The following SPATA16 variants were observed in gnomAD, a reference collection of about 807,000 sequenced individuals.
SPATA16 encodes spermatogenesis associated 16.
Under a neutral mutation model 63.3 loss-of-function variants are expected in SPATA16, and 36 were observed. The observed-to-expected ratio is 0.57, with a 90% CI of 0.44 to 0.75. The LOEUF (loss-of-function observed/expected upper bound fraction) is 0.75. SPATA16 is among the 30% of genes least tolerant of loss of function. The pLI is 0.00. For missense variants in SPATA16, 646 were observed against 679.3 expected (o/e 0.95, Z 0.54); for synonymous variants, 203 against 216.7 (o/e 0.94, Z 0.56).
intron 1 of SPATA16, among the ~76,000 whole-genome samples, chr3:173,138,771 G>T (rs143816240): frequency 1.1e-4 from 17 of 152,152 alleles, no homozygotes. Flanking sequence ...TTAAAGAGAC[G>T]CTTTCTAACA....
intron 4 of SPATA16, among the ~76,000 whole-genome samples, chr3:172,991,911 C>T (rs1577121792): frequency 6.6e-6 from 1 of 152,282 alleles, no homozygotes; most frequent in East Asian, 1.9e-4. Context: ...CAAGTGTTCA[C>T]TATATGTGTT....
Position 172,961,056 on chromosome 3 carries a change from T to TTTC in SPATA16, c.934-4235_934-4233dup, listed in dbSNP as rs1219170256. On this transcript the variant is annotated intron_variant, in intron 5 of 10. Coordinates refer to ENST00000351008, the MANE Select transcript of SPATA16 (RefSeq NM_031955.6). The stretch of plus-strand genomic sequence containing the variant: ...TCTTTCTTTCTTTCTTTCTTCTTTC[T>TTTC]TTCTTTCTTCTTTCTTCCTTCCTTC... Among the ~76,000 whole-genome samples the TTTC allele has an allele frequency of 8.7e-4, 92 of 105,634 alleles. 3 individuals carry two copies. The highest frequency in any genetic ancestry group is 3.3e-3 in the African/African-American group (81 of 24,440). 69.3% of individuals were successfully genotyped at this position (105,634 alleles called of 152,430 possible).
intron 10 of SPATA16, among the ~76,000 whole-genome samples, chr3:172,891,282 C>G (rs961446311): frequency 2.6e-5 from 4 of 152,078 alleles, no homozygotes; most frequent in African/African-American, 9.7e-5. Context: ...TTTTAAATAT[C>G]CATTAGGTAT....
intron 2 of SPATA16, among the ~76,000 whole-genome samples, chr3:173,084,662 T>A (rs1737003766): frequency 6.6e-6 from 1 of 152,344 alleles, no homozygotes; most frequent in Middle Eastern, 3.4e-3. Flanking sequence ...GTTTCACATT[T>A]AAGTCTTTAA....
At chr3:173,123,689 C>T (rs1156810508) in intron 1 of SPATA16, among the ~76,000 whole-genome samples, 3 of 151,194 alleles carry the variant, frequency 2.0e-5, no homozygotes, top group East Asian at 1.9e-4. Context: ...CTGCAAACTC[C>T]GCCTCCCAGG....
chr3:173,006,570 T>G (rs1001233806), intron 4 of SPATA16, among the ~76,000 whole-genome samples: 7 of 152,244 alleles, frequency 4.6e-5, no homozygotes, highest in African/African-American at 7.2e-5. Flanking sequence ...CCACTTGTCT[T>G]GAGTCTACCT....
At chr3:173,063,897 G>C (rs1461019159) in intron 2 of SPATA16, among the ~76,000 whole-genome samples, 1 of 152,168 alleles carries the variant, frequency 6.6e-6, no homozygotes, top group Non-Finnish European at 1.5e-5. Context: ...GTTTAATAGA[G>C]TAATGCATGA....
At chr3:173,023,258 G>T (rs1226740292) in intron 3 of SPATA16, among the ~76,000 whole-genome samples, 1 of 150,064 alleles carries the variant, frequency 6.7e-6, no homozygotes, top group South Asian at 2.1e-4. Context: ...TTCCCAATTC[G>T]CTTGATAAAT....
intron 6 of SPATA16, among the ~76,000 whole-genome samples, chr3:172,954,017 T>C (rs900445956): frequency 1.3e-5 from 2 of 152,212 alleles, no homozygotes; most frequent in Non-Finnish European, 2.9e-5. Flanking sequence ...ACTGGTTGCA[T>C]GAATATATGT....
intron 2 of SPATA16, among the ~76,000 whole-genome samples, chr3:173,051,604 T>C (rs1736097345): frequency 6.6e-6 from 1 of 152,174 alleles, no homozygotes; most frequent in Non-Finnish European, 1.5e-5. Context: ...CCCAAAGTGT[T>C]GGGATTACAG....
At chr3:172,974,745 T>G (rs1414978086) in intron 5 of SPATA16, among the ~76,000 whole-genome samples, 1 of 152,122 alleles carries the variant, frequency 6.6e-6, no homozygotes, top group African/African-American at 2.4e-5. Context: ...CCTAAGATTT[T>G]GGGTAAGATT....
chr3:173,080,038 G>C (rs2108312872), intron 2 of SPATA16, among the ~76,000 whole-genome samples: 1 of 152,248 alleles, frequency 6.6e-6, no homozygotes, highest in Non-Finnish European at 1.5e-5. Flanking sequence ...ATATCCTAAA[G>C]TACCAATAAT....
chr3:173,026,306 G>A (rs1560100353), intron 3 of SPATA16, among the ~76,000 whole-genome samples: 1 of 151,712 alleles, frequency 6.6e-6, no homozygotes, highest in Admixed American at 6.6e-5. Flanking sequence ...TTAGTGTGTT[G>A]TAAGGGTTCT....
At chr3:172,943,780 A>C (rs564782013) in intron 6 of SPATA16, among the ~76,000 whole-genome samples, 153 of 152,254 alleles carry the variant, frequency 1.0e-3, no homozygotes, top group South Asian at 3.1e-3. Context: ...TAACATTAAA[A>C]TTTAAATCTC....
At chr3:173,060,730 A>G (rs762364304) in intron 2 of SPATA16, among the ~76,000 whole-genome samples, 1 of 152,182 alleles carries the variant, frequency 6.6e-6, no homozygotes, top group Non-Finnish European at 1.5e-5. Context: ...TTGATTTGTT[A>G]AATAGAAGGT....
chr3:172,913,839 A>G, intron 9 of SPATA16, 95 bp from the exon 10 acceptor site: 1 of 1,081,354 alleles, frequency 9.2e-7, no homozygotes, highest in South Asian at 1.3e-5. Flanking sequence ...AATCATTTGT[A>G]CGCTGATGAT....
chr3:172,975,247 CA>C (rs2108249666), intron 5 of SPATA16, among the ~76,000 whole-genome samples: 1 of 152,234 alleles, frequency 6.6e-6, no homozygotes, highest in African/African-American at 2.4e-5. Flanking sequence ...CATGGTCAGA[CA>C]AAATTTTTAT....
intron 4 of SPATA16, among the ~76,000 whole-genome samples, chr3:172,991,802 AAAC>A (rs1301588509): frequency 6.6e-6 from 1 of 152,208 alleles, no homozygotes; most frequent in African/African-American, 2.4e-5. Context: ...CTGAAGAAAA[AAAC>A]AACAGGGAGC....
intron 5 of SPATA16, among the ~76,000 whole-genome samples, chr3:172,962,080 C>G (rs1316011353): frequency 1.3e-5 from 2 of 151,824 alleles, no homozygotes; most frequent in Admixed American, 1.3e-4. Flanking sequence ...TGGTGAAACC[C>G]TGTCTCAAAT....
Sources: gnomAD v4.1 joint callset for allele counts (sites outside exome capture counted in the v4.1 genomes callset) on GRCh38, gnomAD v4.1.1 for gene constraint, MANE v1.5 for transcripts, NCBI Gene and HGNC (gene_info 2026-07-23, HGNC 2026-07-21) for gene names.